Variants in DYNC1I1 observed in about 807,000 individuals in gnomAD.
DYNC1I1 encodes dynein cytoplasmic 1 intermediate chain 1.
Under a neutral mutation model 86.6 loss-of-function variants are expected in DYNC1I1, and 43 were observed. The observed-to-expected ratio is 0.50, with a 90% CI of 0.39 to 0.64. The LOEUF is 0.64. DYNC1I1 is among the 30% of genes least tolerant of loss of function. The pLI is 0.00. For missense variants in DYNC1I1, 604 were observed against 788.8 expected (o/e 0.77, Z 2.81); for synonymous variants, 262 against 283.7 (o/e 0.92, Z 0.77).
Position 96,033,734 on chromosome 7 carries a change from G to A in DYNC1I1, c.1230+954G>A, listed in dbSNP as rs531113756. Among the ~76,000 whole-genome samples, 154 of 152,268 alleles carry A rather than the reference G, an allele frequency of 1.0e-3. 2 individuals are homozygous for A. The South Asian group carries it at 0.031, about 30-fold the overall frequency. On this transcript the variant is annotated intron_variant, in intron 12 of 16. Coordinates refer to ENST00000447467, the MANE Select transcript of DYNC1I1 (RefSeq NM_001135556.2). ...TTCAAAATGTACATAAGGAGACAGG[G>A]CACGGTGGCTCACACTTGTAATCCC...
intron 5 of DYNC1I1, among the ~76,000 whole-genome samples, chr7:95,857,402 T>C (rs182929071): frequency 1.3e-4 from 20 of 152,302 alleles, no homozygotes; most frequent in African/African-American, 4.8e-4. Flanking sequence ...AATGATAAAA[T>C]CTTGACAGAT....
chr7:95,874,174 A>T (rs1790244224), intron 6 of DYNC1I1, among the ~76,000 whole-genome samples: 1 of 152,220 alleles, frequency 6.6e-6, no homozygotes, highest in African/African-American at 2.4e-5. Context: ...CGGACACTTC[A>T]TTAAAGATCA....
chr7:95,894,671 CA>C (rs1235948695), intron 6 of DYNC1I1, among the ~76,000 whole-genome samples: 2 of 152,168 alleles, frequency 1.3e-5, no homozygotes, highest in African/African-American at 4.8e-5. Flanking sequence ...GGAACCATTA[CA>C]ATCAACACAT....
At chr7:95,809,250 A>T (rs955789127) in intron 2 of DYNC1I1, among the ~76,000 whole-genome samples, 6 of 152,156 alleles carry the variant, frequency 3.9e-5, no homozygotes, top group African/African-American at 1.4e-4. Flanking sequence ...ACCCTCTGGG[A>T]GTAAGTCAAA....
chr7:96,061,712 T>TCTCACACA (rs1554441137), intron 14 of DYNC1I1, among the ~76,000 whole-genome samples: 248 of 136,910 alleles, frequency 1.8e-3, no homozygotes, highest in African/African-American at 4.8e-3. Context: ...TCTCTCTCTC[T>TCTCACACA]CACACACACA....
At chr7:95,988,782 T>G (rs1328683978) in intron 9 of DYNC1I1, among the ~76,000 whole-genome samples, 1 of 152,206 alleles carries the variant, frequency 6.6e-6, no homozygotes, top group East Asian at 1.9e-4. Flanking sequence ...TTTATTTTTC[T>G]TATATACAAA....
intron 10 of DYNC1I1, among the ~76,000 whole-genome samples, chr7:96,014,504 A>G (rs1434500604): frequency 1.3e-5 from 2 of 152,196 alleles, no homozygotes; most frequent in African/African-American, 4.8e-5. Flanking sequence ...GAGCCATGTT[A>G]GTTCTCTTGC....
chr7:95,984,930 C>T lies in DYNC1I1; in HGVS notation c.696C>T (p.Ser232=), dbSNP rs142927191. 776 of 1,613,282 alleles carry T rather than the reference C, an allele frequency of 4.8e-4. No homozygotes were observed. Among genetic ancestry groups the T allele is most frequent in the Non-Finnish European group, 6.2e-4 (735 of 1,179,660 alleles). The part of the protein sequence containing the change: ...RVIERALAED[S]DIFFDYSGRE... ...TTGAAAGAGCCCTGGCTGAAGATTC[C>T]GACATCTTTTTTGACTACAGCGGCC... Residue 232 remains serine (S), a synonymous_variant, in exon 8 of 17, where the codon TCC becomes TCT. Coordinates refer to ENST00000447467, the MANE Select transcript of DYNC1I1 (RefSeq NM_001135556.2).
At chr7:95,896,538 A>G (rs13229498) in intron 6 of DYNC1I1, among the ~76,000 whole-genome samples, 20,161 of 152,156 alleles carry the variant, frequency 0.13, 1,452 homozygotes, top group South Asian at 0.22. Context: ...TAACTGACAA[A>G]AAGAGAGTAA....
rs766702267 is a variant in DYNC1I1, at chr7:95,995,982, A to G, written c.878A>G (p.Asn293Ser). 24 of 1,610,618 alleles carry G rather than the reference A, an allele frequency of 1.5e-5. No homozygotes were observed. The highest frequency in any genetic ancestry group is 1.7e-4 in the Middle Eastern group (1 of 6,038). The change falls in exon 10 of 17, where the codon AAT becomes AGT. Residue 293 changes from asparagine to serine, a missense_variant. By Grantham distance (46) the Asn-to-Ser change is conservative (BLOSUM62 1). Coordinates refer to ENST00000447467, the MANE Select transcript of DYNC1I1 (RefSeq NM_001135556.2). ...PELMVASYNNNEDAPHEPDGV... is the reference protein window; with the variant it reads ...PELMVASYNNSEDAPHEPDGV... ...CTGATGGTGGCTTCTTACAACAACA[A>G]TGAAGATGCTCCCCATGAACCAGAT...
chr7:95,907,230 A>G (rs1161371187), intron 6 of DYNC1I1, among the ~76,000 whole-genome samples: 1 of 152,180 alleles, frequency 6.6e-6, no homozygotes, highest in Non-Finnish European at 1.5e-5. Flanking sequence ...ACGAGCATAT[A>G]TCCTTGCCCC....
intron 6 of DYNC1I1, among the ~76,000 whole-genome samples, chr7:95,930,130 C>T (rs1390110200): frequency 3.2e-4 from 49 of 152,214 alleles, no homozygotes; most frequent in Non-Finnish European, 2.9e-5. Context: ...AGCCCATTTT[C>T]CCAGACCATG....
intron 5 of DYNC1I1, among the ~76,000 whole-genome samples, chr7:95,839,179 C>T (rs185278851): frequency 0.011 from 1,674 of 152,124 alleles, 8 homozygotes; most frequent in Non-Finnish European, 0.017. Context: ...TATAGGCATG[C>T]GCCACCATGC....
rs570692448 is a variant in DYNC1I1, at chr7:95,966,976, A to G, written c.491-10536A>G. ...ACTTTGATGCTGAGTGAGGAGATTC[A>G]TGATCCAACTGAAACATTGGGGAAA... On this transcript the variant is annotated intron_variant, in intron 6 of 16. Coordinates refer to ENST00000447467, the MANE Select transcript of DYNC1I1 (RefSeq NM_001135556.2). 3.2e-4 allele frequency among the ~76,000 whole-genome samples: 48 copies of G among 152,328 alleles called. 1 individual carries two copies. In the South Asian group the frequency reaches 8.7e-3, roughly 28 times the overall value.
intron 8 of DYNC1I1, among the ~76,000 whole-genome samples, chr7:95,986,765 G>C (rs1793606562): frequency 6.6e-6 from 1 of 151,908 alleles, no homozygotes; most frequent in South Asian, 2.1e-4. Flanking sequence ...GCTCTGGCCT[G>C]AACCAGGGTT....
chr7:95,993,671 G>A (rs952855566), intron 9 of DYNC1I1, among the ~76,000 whole-genome samples: 7 of 152,222 alleles, frequency 4.6e-5, no homozygotes, highest in East Asian at 3.9e-4. Context: ...GTCACTGTAC[G>A]CTTATACTTC....
At position 96,076,073 on chromosome 7, in the gene DYNC1I1, A is replaced by G; in HGVS notation, c.1526A>G (p.Tyr509Cys). Residue 509 changes from tyrosine (Y) to cysteine (C), a missense_variant, in exon 15 of 17, where the codon TAC becomes TGC. By Grantham distance (194) the Tyr-to-Cys change is radical. Transcript: ENST00000447467. ...GCTTTACAGCACAACAAGCCGCTCT[A>G]CTCCTTTGAAGACAATGCAGACTAT... ...LWTTKHNKPL[Y>C]SFEDNADYVY... The G allele has an allele frequency of 7.4e-6, 12 of 1,613,770 alleles. No individual in the cohort carries two copies. Among genetic ancestry groups the G allele is most frequent in the Non-Finnish European group, 1.0e-5 (12 of 1,179,828 alleles).
chr7:96,034,398 C>T (rs1049745189), intron 12 of DYNC1I1, among the ~76,000 whole-genome samples: 7 of 152,008 alleles, frequency 4.6e-5, no homozygotes, highest in African/African-American at 1.7e-4. Flanking sequence ...AGGTTAAAAC[C>T]AGTAATATGG....
chr7:95,860,269 T>C (rs1789842038), intron 5 of DYNC1I1, among the ~76,000 whole-genome samples: 1 of 152,204 alleles, frequency 6.6e-6, no homozygotes, highest in Non-Finnish European at 1.5e-5. Flanking sequence ...CAGTTGCTTA[T>C]ATGATGTTGA....
Sources: gnomAD v4.1 joint callset for allele counts (sites outside exome capture counted in the v4.1 genomes callset) on GRCh38, gnomAD v4.1.1 for gene constraint, MANE v1.5 for transcripts, NCBI Gene and HGNC (gene_info 2026-07-23, HGNC 2026-07-21) for gene names.